ZFHX3: variants seen among roughly 807,000 people sequenced by gnomAD.
The protein encoded by ZFHX3 is zinc finger homeobox 3, also known as zinc finger homeobox protein 3.
A neutral mutation model predicts 279.1 loss-of-function variants in ZFHX3; 42 were observed. The ratio of observed to expected loss-of-function variants is 0.15; its 90% CI spans 0.12 to 0.19. The LOEUF (loss-of-function observed/expected upper bound fraction) is 0.19. Ranked by LOEUF, ZFHX3 falls within the 10% of genes least tolerant of loss-of-function variation. The pLI, the probability that ZFHX3 is intolerant of heterozygous loss-of-function variation, is 1.00. For synonymous variants in ZFHX3, 2,293 were observed against 1,957.8 expected (o/e 1.17, Z -4.52); for missense variants, 4,981 against 4,754.0 (o/e 1.05, Z -1.40).
intron 3 of ZFHX3, among the ~76,000 whole-genome samples, chr16:72,915,465 G>A (rs1483389369): frequency 6.6e-6 from 1 of 152,112 alleles, no homozygotes; most frequent in Non-Finnish European, 1.5e-5. Flanking sequence ...AAACAGAATT[G>A]CCACCTCTCA....
At chr16:73,581,027 T>C (rs1597010374) in intron 2 of ZFHX3, among the ~76,000 whole-genome samples, 1 of 151,964 alleles carries the variant, frequency 6.6e-6, no homozygotes, top group East Asian at 1.9e-4. Flanking sequence ...ACAAGGTGTG[T>C]TCATTACTTT....
At chr16:73,184,412 AAAAT>A (rs562232452) in intron 5 of ZFHX3, among the ~76,000 whole-genome samples, 115 of 152,330 alleles carry the variant, frequency 7.5e-4, no homozygotes, top group African/African-American at 2.7e-3. Flanking sequence ...GACAGACAAT[AAAAT>A]AGTGAGGTGA....
chr16:73,891,298 T>G (rs2030529279), intron 1 of ZFHX3, among the ~76,000 whole-genome samples: 1 of 152,006 alleles, frequency 6.6e-6, no homozygotes, highest in Non-Finnish European at 1.5e-5. Flanking sequence ...AGCAATCTGT[T>G]GAAGATCAGA....
At chr16:73,576,692 C>T (rs938220643) in intron 2 of ZFHX3, among the ~76,000 whole-genome samples, 4 of 125,726 alleles carry the variant, frequency 3.2e-5, no homozygotes, top group Admixed American at 7.8e-5. Context: ...AACTAAAGAA[C>T]ATTAAAAAAA....
chr16:73,715,133 A>C (rs1206536020), intron 1 of ZFHX3, among the ~76,000 whole-genome samples: 2 of 151,996 alleles, frequency 1.3e-5, no homozygotes, highest in African/African-American at 4.8e-5. Flanking sequence ...GTGTCACATG[A>C]TGGTTCTCGG....
chr16:73,460,203 A>G (rs1296006248), intron 2 of ZFHX3, among the ~76,000 whole-genome samples: 1 of 148,168 alleles, frequency 6.7e-6, no homozygotes, highest in Non-Finnish European at 1.5e-5. Flanking sequence ...TGTTATATAA[A>G]TGGAATATTA....
intron 1 of ZFHX3, among the ~76,000 whole-genome samples, chr16:73,864,369 C>T (rs976997684): frequency 3.3e-5 from 5 of 152,162 alleles, no homozygotes; most frequent in African/African-American, 9.7e-5. Flanking sequence ...GCCAAAGATA[C>T]CGTGATAAAC....
chr16:73,409,450 C>T (rs1042695308), intron 3 of ZFHX3, among the ~76,000 whole-genome samples: 1 of 152,104 alleles, frequency 6.6e-6, no homozygotes, highest in Non-Finnish European at 1.5e-5. Context: ...CAGCTTTTAT[C>T]CAAAAGACAG....
Position 72,798,680 on chromosome 16 carries a change from T to C in ZFHX3, c.4002A>G (p.Pro1334=), listed in dbSNP as rs1382364197. The C allele has an allele frequency of 5.1e-6, 8 of 1,572,190 alleles. No individual in the cohort carries two copies. The highest frequency in any genetic ancestry group is 3.5e-5 in the South Asian group (3 of 85,708). ...TSEDLGKNIL[P]SASTEQSGDL... ...CTCCGCTTTGCTCTGTGCTTGCGGA[T>C]GGCAAGATGTTCTTTCCCAGATCCT... The change falls in exon 9 of 10, where the codon CCA becomes CCG. Residue 1334 remains proline, a synonymous_variant. Coordinates refer to ENST00000268489, the MANE Select transcript of ZFHX3 (RefSeq NM_006885.4).
upstream of ZFHX3, among the ~76,000 whole-genome samples, chr16:73,048,943 A>C (rs1011915853): frequency 2.0e-5 from 3 of 152,194 alleles, no homozygotes; most frequent in African/African-American, 7.2e-5. Flanking sequence ...CCTTAGCCTC[A>C]CCTTATAAAG....
intron 1 of ZFHX3, among the ~76,000 whole-genome samples, chr16:73,716,096 C>T (rs9926019): frequency 2.6e-5 from 4 of 151,972 alleles, no homozygotes; most frequent in African/African-American, 9.7e-5. Flanking sequence ...TTAAGTTTTA[C>T]GCTCCTCCTG....
chr16:72,930,105 C>G (rs564248845), intron 3 of ZFHX3, among the ~76,000 whole-genome samples: 24 of 152,294 alleles, frequency 1.6e-4, no homozygotes, highest in Admixed American at 5.9e-4. Flanking sequence ...GTAATCCCAG[C>G]TACTTGGGAG....
intron 3 of ZFHX3, among the ~76,000 whole-genome samples, chr16:73,424,627 G>C (rs145190222): frequency 6.6e-6 from 1 of 151,976 alleles, no homozygotes; most frequent in Non-Finnish European, 1.5e-5. Context: ...GGTGGTCCAT[G>C]CTTATAGTCT....
chr16:73,809,873 T>C (rs905536195), intron 1 of ZFHX3: 1 of 152,318 alleles, frequency 6.6e-6, no homozygotes, highest in African/African-American at 2.4e-5. Flanking sequence ...CTGGTAAAAA[T>C]GTCATCCCCA....
intron 1 of ZFHX3, among the ~76,000 whole-genome samples, chr16:73,756,542 C>T (rs2053810859): frequency 6.6e-6 from 1 of 151,978 alleles, no homozygotes; most frequent in South Asian, 2.1e-4. Flanking sequence ...ATTGATCCTC[C>T]TCCCGCCCTT....
chr16:73,461,809 C>T (rs2018476486), intron 2 of ZFHX3, among the ~76,000 whole-genome samples: 2 of 152,140 alleles, frequency 1.3e-5, no homozygotes, highest in Admixed American at 6.5e-5. Context: ...CTAGATGATT[C>T]CTCTCACTTT....
rs773329700 is a variant in ZFHX3 at position 72,959,436 on chromosome 16, C to T, written c.710G>A (p.Arg237Gln). The change falls in exon 2 of 10, where the codon CGA becomes CAA. Residue 237 changes from arginine to glutamine, a missense_variant. By Grantham distance (43) the Arg-to-Gln change is conservative. Transcript: ENST00000268489. ...CAGGTAATCCTTGTTGCTTTTGTGT[C>T]GCACGTCAAACACGCGGAAGCTGTG... ...VLHSFRVFDV[R>Q]HKSNKDYLNS... 5.6e-6 allele frequency: 9 copies of T among 1,614,216 alleles called. No homozygotes were observed. Among genetic ancestry groups the T allele is most frequent in the Admixed American group, 1.7e-5 (1 of 60,034 alleles).
At chr16:72,866,450 A>G (rs1184680407) in intron 4 of ZFHX3, among the ~76,000 whole-genome samples, 1 of 152,188 alleles carries the variant, frequency 6.6e-6, no homozygotes, top group African/African-American at 2.4e-5. Context: ...GTGCATGTGC[A>G]TTCATGAGCA....
Position 72,928,205 on chromosome 16 carries a change from G to A in ZFHX3, c.3216+22264C>T, listed in dbSNP as rs1371379391. 1.0e-4 allele frequency among the ~76,000 whole-genome samples: 6 copies of A among 59,396 alleles called. 1 individual carries two copies. The highest frequency in any genetic ancestry group is 1.1e-3 in the South Asian group (2 of 1,740). The allele number at this position is 59,396 out of a possible 152,430, so 39.0% of individuals were successfully genotyped here. ...AGAGAGGGAGGGGGAGGGGAGCGAG[G>A]GGGAGCGAAGGGGAGCGAGGGGGAG... On this transcript the variant is annotated intron_variant, in intron 3 of 9. Coordinates refer to ENST00000268489, the MANE Select transcript of ZFHX3 (RefSeq NM_006885.4).
Sources: allele counts gnomAD v4.1 joint callset (sites outside exome capture counted in the v4.1 genomes callset), GRCh38; gene constraint gnomAD v4.1.1; transcripts MANE v1.5; gene names NCBI Gene and HGNC (gene_info 2026-07-23, HGNC 2026-07-21).